Variants in DCX observed in about 807,000 individuals in gnomAD.
The protein encoded by DCX is neuronal migration protein doublecortin.
In DCX, 4 loss-of-function variants were observed where a neutral mutation model predicts 20.9. That is an observed-to-expected ratio of 0.19 (90% CI 0.09 to 0.44). The LOEUF (loss-of-function observed/expected upper bound fraction) is 0.44. Ranked by LOEUF, DCX falls within the 20% of genes least tolerant of loss-of-function variation. The pLI is 0.99. For missense variants in DCX, 133 were observed against 296.9 expected (o/e 0.45, Z 4.06); for synonymous variants, 103 against 111.4 (o/e 0.92, Z 0.47).
rs73547203 is a variant in DCX at position 111,400,148 on chromosome X, A to G, written c.705+842T>C. 6.6e-3 allele frequency among the ~76,000 whole-genome samples: 738 copies of G among 111,886 alleles called. 11 individuals carry two copies. Among genetic ancestry groups the G allele is most frequent in the African/African-American group, 0.023 (698 of 30,779 alleles). On this transcript the variant is annotated intron_variant, in intron 3 of 6. Coordinates refer to ENST00000636035, the MANE Select transcript of DCX (RefSeq NM_001195553.2). ...CTTGTCTTTTCTGATGGGAGACCAGAATTCTCTTTAGAGCCAACAGAACCA... is the reference window on the plus strand; with the variant it reads ...CTTGTCTTTTCTGATGGGAGACCAGGATTCTCTTTAGAGCCAACAGAACCA...
At chrX:111,327,106 G>A (rs2095101295) in intron 5 of DCX, among the ~76,000 whole-genome samples, 1 of 111,880 alleles carries the variant, frequency 8.9e-6, no homozygotes, top group Non-Finnish European at 1.9e-5. Flanking sequence ...TGCTAAAGAG[G>A]AGCACTTTTG....
chrX:111,363,134 G>A (rs1924342836), intron 3 of DCX, among the ~76,000 whole-genome samples: 1 of 111,101 alleles, frequency 9.0e-6, no homozygotes, highest in African/African-American at 3.3e-5. Flanking sequence ...CACTCACTTA[G>A]AAAAGACCAT....
intron 3 of DCX, among the ~76,000 whole-genome samples, chrX:111,400,051 C>A (rs1196164341): frequency 9.0e-6 from 1 of 111,584 alleles, no homozygotes; most frequent in Non-Finnish European, 1.9e-5. Context: ...TTAGGAATAC[C>A]TTTTCTATAT....
intron 3 of DCX, among the ~76,000 whole-genome samples, chrX:111,346,812 C>T (rs1220362890): frequency 9.0e-6 from 1 of 111,619 alleles, no homozygotes; most frequent in East Asian, 2.8e-4. Context: ...GTGAATTATA[C>T]ATTATGTGAA....
chrX:111,365,352 A>C (rs1183251032), intron 3 of DCX, among the ~76,000 whole-genome samples: 1 of 110,196 alleles, frequency 9.1e-6, no homozygotes, highest in Non-Finnish European at 1.9e-5. Flanking sequence ...ATTAAAAAAA[A>C]CTTTGTGGGT....
chrX:111,401,974 C>G lies in DCX; in HGVS notation c.365-644G>C, dbSNP rs1047730200. On this transcript the variant is annotated intron_variant, in intron 2 of 6. Coordinates refer to ENST00000636035, the MANE Select transcript of DCX (RefSeq NM_001195553.2). ...GTTTATATGTGTGTATAAGTGTGTC[C>G]TCTACTCCTTATGCTACACTAGGTA... Among the ~76,000 whole-genome samples the G allele has an allele frequency of 7.1e-5, 8 of 112,007 alleles. 1 individual carries two copies. The highest frequency in any genetic ancestry group is 6.7e-4 in the Admixed American group (7 of 10,526).
chrX:111,401,945 G>A (rs1401754958), intron 2 of DCX, among the ~76,000 whole-genome samples: 1 of 112,273 alleles, frequency 8.9e-6, no homozygotes, highest in Non-Finnish European at 1.9e-5. Context: ...TGCATATGTT[G>A]AATGTTTATA....
At chrX:111,305,603 C>T (rs1458452495) in intron 6 of DCX, among the ~76,000 whole-genome samples, 1 of 107,564 alleles carries the variant, frequency 9.3e-6, no homozygotes, top group Non-Finnish European at 1.9e-5. Flanking sequence ...TGTTATTCTC[C>T]ATCTCTGTAT....
At chrX:111,309,421 ATGG>A (rs1198811694) in intron 6 of DCX, among the ~76,000 whole-genome samples, 1 of 112,293 alleles carries the variant, frequency 8.9e-6, no homozygotes, top group East Asian at 2.8e-4. Context: ...CAGAGACTTG[ATGG>A]TGCTAAGGTT....
At chrX:111,391,285 GC>G (rs1926930308) in intron 3 of DCX, among the ~76,000 whole-genome samples, 1 of 111,068 alleles carries the variant, frequency 9.0e-6, no homozygotes, top group Non-Finnish European at 1.9e-5. Flanking sequence ...GAAGGTCCTT[GC>G]TTCCTCTTCA....
chrX:111,400,590 C>A (rs1465745629), intron 3 of DCX, among the ~76,000 whole-genome samples: 1 of 112,463 alleles, frequency 8.9e-6, no homozygotes, highest in Non-Finnish European at 1.9e-5. Flanking sequence ...AGATGCTGAG[C>A]ATCAATGTGA....
intron 3 of DCX, among the ~76,000 whole-genome samples, chrX:111,350,896 TCTTA>T (rs1490500823): frequency 8.9e-6 from 1 of 112,005 alleles, no homozygotes; most frequent in Admixed American, 9.5e-5. Flanking sequence ...GCAAGTCACA[TCTTA>T]CTTACATGGT....
chrX:111,366,239 G>T (rs752276255), intron 3 of DCX, among the ~76,000 whole-genome samples: 2 of 111,618 alleles, frequency 1.8e-5, no homozygotes, highest in East Asian at 5.7e-4. Flanking sequence ...GTTGGTTGGG[G>T]ATTCCTCAGC....
intron 3 of DCX, among the ~76,000 whole-genome samples, chrX:111,395,380 T>C (rs769942344): frequency 5.4e-5 from 6 of 112,089 alleles, no homozygotes; most frequent in Non-Finnish European, 1.1e-4. Flanking sequence ...AGCTTTTGAT[T>C]GAATTGGCCA....
intron 3 of DCX, among the ~76,000 whole-genome samples, chrX:111,361,226 C>T (rs190132456): frequency 6.5e-4 from 73 of 112,331 alleles, no homozygotes; most frequent in African/African-American, 2.3e-3. Flanking sequence ...GAAGAGAGAA[C>T]TTTTACATAT....
intron 5 of DCX, among the ~76,000 whole-genome samples, chrX:111,326,777 A>G (rs968311259): frequency 8.9e-6 from 1 of 112,133 alleles, no homozygotes; most frequent in East Asian, 2.8e-4. Context: ...TTGAACTTGA[A>G]GGAAATAAAG....
chrX:111,397,171 C>A (rs2147257006), intron 3 of DCX, among the ~76,000 whole-genome samples: 1 of 111,645 alleles, frequency 9.0e-6, no homozygotes, highest in African/African-American at 3.3e-5. Flanking sequence ...ACCAACTGGG[C>A]TCTTTTAGCT....
chrX:111,368,901 T>TATACACACACACACACACACAC (rs1467693516), intron 3 of DCX, among the ~76,000 whole-genome samples: 2 of 98,280 alleles, frequency 2.0e-5, no homozygotes, highest in African/African-American at 7.5e-5. Context: ...TATATATACA[T>TATACACACACACACACACACAC]ACACACACAC....
rs1275724985 is a variant in DCX at position 111,331,013 on chromosome X, T to C, written c.837A>G (p.Ser279=). The change falls in exon 5 of 7, where the codon TCA becomes TCG. Residue 279 remains serine, a synonymous_variant. Coordinates refer to ENST00000636035, the MANE Select transcript of DCX (RefSeq NM_001195553.2). The part of the protein sequence containing the change: ...NECRVMKGNP[S]ATAGPKASPT... ...GGGATGCCTTTGGGCCAGCTGTGGC[T>C]GATGGGTTTCCCTTCATGACTCGGC... 1 of 1,211,791 alleles carries C rather than the reference T, an allele frequency of 8.3e-7. No individual in the cohort carries two copies. The highest frequency in any genetic ancestry group is 2.2e-5 in the Admixed American group (1 of 46,038).
Sources: allele counts gnomAD v4.1 joint callset (sites outside exome capture counted in the v4.1 genomes callset), GRCh38; gene constraint gnomAD v4.1.1; transcripts MANE v1.5; gene names NCBI Gene and HGNC (gene_info 2026-07-23, HGNC 2026-07-21).